NAPB: variants seen among roughly 807,000 people sequenced by gnomAD.
The protein encoded by NAPB is NSF attachment protein beta, also known as beta-soluble NSF attachment protein.
Under a neutral mutation model 44.7 loss-of-function variants are expected in NAPB, and 26 were observed. The observed-to-expected ratio is 0.58, with a 90% confidence interval of 0.43 to 0.81. The LOEUF is 0.81. Among genes scored for constraint, NAPB ranks in the 30% least tolerant of loss-of-function variants. NAPB has a pLI of 0.00. For synonymous variants in NAPB, 120 were observed against 116.8 expected (o/e 1.03, Z -0.18); for missense variants, 315 against 356.4 (o/e 0.88, Z 0.94).
At chr20:23,394,037 G>C (rs978134861) in intron 5 of NAPB, among the ~76,000 whole-genome samples, 1 of 152,194 alleles carries the variant, frequency 6.6e-6, no homozygotes, top group African/African-American at 2.4e-5. Flanking sequence ...CAGATGCATG[G>C]GGAGTGTGGG....
intron 1 of NAPB, among the ~76,000 whole-genome samples, chr20:23,412,200 T>C (rs779742600): frequency 6.6e-6 from 1 of 152,212 alleles, no homozygotes; most frequent in Admixed American, 6.5e-5. Flanking sequence ...CCGGTATATA[T>C]ACTCTTCTTA....
intron 7 of NAPB, among the ~76,000 whole-genome samples, chr20:23,384,746 C>T (rs1052242700): frequency 1.3e-5 from 2 of 152,126 alleles, no homozygotes; most frequent in African/African-American, 4.8e-5. Flanking sequence ...GAATTAAGCC[C>T]TAACATATAA....
chr20:23,375,177 T>C lies in NAPB; in HGVS notation c.*2199A>G, dbSNP rs1284268275. 1 of 152,114 alleles carries C rather than the reference T, an allele frequency of 6.6e-6. No individual in the cohort carries two copies. Among genetic ancestry groups the C allele is most frequent in the Non-Finnish European group, 1.5e-5 (1 of 68,032 alleles). The allele number at this position is 152,114 out of a possible 1,614,324, so 9.4% of individuals were successfully genotyped here. On this transcript the variant is annotated 3_prime_UTR_variant, in exon 11 of 11. Coordinates refer to ENST00000377026, the MANE Select transcript of NAPB (RefSeq NM_022080.3). ...TTACTTTGATTCTTTTCATGTGAAA[T>C]ATTAAAAACAAAAATTAATTCTTAA...
chr20:23,386,187 A>G (rs1301866195), intron 7 of NAPB, among the ~76,000 whole-genome samples: 1 of 152,234 alleles, frequency 6.6e-6, no homozygotes, highest in African/African-American at 2.4e-5. Flanking sequence ...AGGGTAACTG[A>G]TAACACTAAA....
chr20:23,418,982 G>A (rs1986202393), intron 1 of NAPB, among the ~76,000 whole-genome samples: 1 of 152,078 alleles, frequency 6.6e-6, no homozygotes. Flanking sequence ...CTACGGCTCT[G>A]AAATTCTGGA....
intron 1 of NAPB, among the ~76,000 whole-genome samples, chr20:23,417,083 CT>C (rs567478910): frequency 2.6e-3 from 349 of 134,162 alleles, no homozygotes; most frequent in African/African-American, 4.6e-3. Flanking sequence ...CACTGGCATT[CT>C]TTTTTTTTTT....
At chr20:23,387,443 A>C (rs527843537) in intron 7 of NAPB, among the ~76,000 whole-genome samples, 1 of 152,322 alleles carries the variant, frequency 6.6e-6, no homozygotes, top group East Asian at 1.9e-4. Flanking sequence ...GGAAGAAGTA[A>C]AACTATTGTT....
chr20:23,385,730 GAA>G (rs1319468345), intron 7 of NAPB, among the ~76,000 whole-genome samples: 1 of 144,412 alleles, frequency 6.9e-6, no homozygotes, highest in Non-Finnish European at 1.5e-5. Context: ...AGAAAGAAGA[GAA>G]AGAAGAGAAA....
At position 23,400,985 on chromosome 20, in the gene NAPB, G is replaced by GA. The variant is rs974744187; in HGVS notation, c.178+2007dup. ...GATGGTGATAACAGTGTTGGAGAAAGAAAAAAAAAAAAGTTTCCAGGAAGG... is the reference window on the plus strand; with the variant it reads ...GATGGTGATAACAGTGTTGGAGAAAGAAAAAAAAAAAAAGTTTCCAGGAAGG... On this transcript the variant is annotated intron_variant, in intron 2 of 10. Transcript: ENST00000377026. Among the ~76,000 whole-genome samples the GA allele has an allele frequency of 1.3e-3, 186 of 143,126 alleles. 1 individual carries two copies. Among genetic ancestry groups the GA allele is most frequent in the African/African-American group, 3.8e-3 (150 of 39,026 alleles). The allele number at this position is 143,126 out of a possible 152,430, so 93.9% of individuals were successfully genotyped here.
chr20:23,387,268 C>A (rs1983599612), intron 7 of NAPB, among the ~76,000 whole-genome samples: 1 of 152,186 alleles, frequency 6.6e-6, no homozygotes, highest in Non-Finnish European at 1.5e-5. Context: ...AACCCCACTA[C>A]TGATATCTAC....
intron 1 of NAPB, among the ~76,000 whole-genome samples, chr20:23,406,120 C>G (rs964688202): frequency 6.6e-6 from 1 of 152,134 alleles, no homozygotes. Context: ...GAAGACAAAG[C>G]AAGAAGGCCC....
chr20:23,403,378 G>C (rs6137934), intron 1 of NAPB, among the ~76,000 whole-genome samples: 45,105 of 151,902 alleles, frequency 0.3, 6,735 homozygotes, highest in Middle Eastern at 0.38. Context: ...CAAGGCGGGC[G>C]GATCACCTGA....
chr20:23,377,023 C>T lies in NAPB; in HGVS notation c.*353G>A, dbSNP rs1346724605. On this transcript the variant is annotated 3_prime_UTR_variant, in exon 11 of 11. Transcript: ENST00000377026. ...AGAAAATGCAAAGCATCTATGAGAA[C>T]AACTGGGCTGAGTACTCAAGTCCAA... is the stretch of plus-strand genomic sequence containing the variant. 1 of 158,716 alleles carries T rather than the reference C, an allele frequency of 6.3e-6. No individual in the cohort carries two copies. The highest frequency in any genetic ancestry group is 6.5e-5 in the Admixed American group (1 of 15,482). 9.8% of individuals were successfully genotyped at this position (158,716 alleles called of 1,614,324 possible).
intron 2 of NAPB, among the ~76,000 whole-genome samples, chr20:23,401,009 G>A (rs1260693067): frequency 6.6e-6 from 1 of 152,046 alleles, no homozygotes; most frequent in African/African-American, 2.4e-5. Flanking sequence ...TTTCCAGGAA[G>A]GACAAGATTG....
intron 1 of NAPB, among the ~76,000 whole-genome samples, chr20:23,413,268 C>T (rs1985782862): frequency 1.3e-5 from 2 of 150,068 alleles, no homozygotes; most frequent in Non-Finnish European, 3.0e-5. Flanking sequence ...CAAAGAAAGG[C>T]CATTCTTTCT....
chr20:23,387,293 A>G (rs1983601835), intron 7 of NAPB, among the ~76,000 whole-genome samples: 1 of 152,216 alleles, frequency 6.6e-6, no homozygotes, highest in African/African-American at 2.4e-5. Context: ...ATCACACTTA[A>G]TATGAAAGAC....
intron 2 of NAPB, among the ~76,000 whole-genome samples, chr20:23,402,048 GGT>G (rs1301364410): frequency 6.6e-6 from 1 of 152,190 alleles, no homozygotes; most frequent in Non-Finnish European, 1.5e-5. Context: ...TTCAGGCGTA[GGT>G]GTGTTTTGAA....
intron 2 of NAPB, among the ~76,000 whole-genome samples, chr20:23,401,093 G>C (rs1984804838): frequency 6.6e-6 from 1 of 152,112 alleles, no homozygotes; most frequent in Admixed American, 6.5e-5. Flanking sequence ...GAAGGAAGCA[G>C]GGACCCAGCA....
intron 1 of NAPB, among the ~76,000 whole-genome samples, chr20:23,410,016 T>C (rs1048847445): frequency 6.6e-6 from 1 of 152,176 alleles, no homozygotes. Context: ...GTTAGAGCAC[T>C]GCAGTTGGGA....
Sources: allele counts gnomAD v4.1 joint callset (sites outside exome capture counted in the v4.1 genomes callset), GRCh38; gene constraint gnomAD v4.1.1; transcripts MANE v1.5; gene names NCBI Gene and HGNC (gene_info 2026-07-23, HGNC 2026-07-21).